The following ZNF442 variants were observed in gnomAD, a reference collection of about 807,000 sequenced individuals.
ZNF442 encodes zinc finger protein 442.
ZNF442 carries 45 observed loss-of-function variants against 57.0 expected under a neutral mutation model. The ratio of observed to expected loss-of-function variants is 0.79; its 90% confidence interval spans 0.62 to 1.01. ZNF442 has a LOEUF of 1.01. Among genes scored for constraint, ZNF442 ranks in the 50% least tolerant of loss-of-function variants. The pLI, the probability that ZNF442 is intolerant of heterozygous loss-of-function variation, is 0.00. For synonymous variants in ZNF442, 213 were observed against 241.8 expected, an observed-to-expected ratio of 0.88 and a Z score of 1.10; for missense variants, 690 against 756.5, an observed-to-expected ratio of 0.91 and a Z score of 1.03.
chr19:12,360,085 A>G (rs1969398344), intron 3 of ZNF442, among the ~76,000 whole-genome samples: 1 of 152,016 alleles, frequency 6.6e-6, no homozygotes, highest in Non-Finnish European at 1.5e-5. Context: ...TTTCTGCCCA[A>G]CCTTAGAGAT....
rs1480315870 is a variant in ZNF442 at position 12,351,135 on chromosome 19, C to T, written c.450G>A (p.Glu150=). 1 of 1,614,138 alleles carries T rather than the reference C, an allele frequency of 6.2e-7. No individual in the cohort carries two copies. Among genetic ancestry groups the T allele is most frequent in the Non-Finnish European group, 8.5e-7 (1 of 1,180,016 alleles). ...CACATTGTTTATGTGTATGTGGCTT[C>T]TCTCCATATTCCTGACACTCATCTG... ...HKPDECQEYG[E]KPHTHKQCGT... The change falls in exon 6 of 6, where the codon GAG becomes GAA. Residue 150 remains glutamate (E), a synonymous_variant. Transcript: ENST00000242804.
chr19:12,358,487 A>C (rs1335307880), intron 3 of ZNF442, among the ~76,000 whole-genome samples: 1 of 152,202 alleles, frequency 6.6e-6, no homozygotes, highest in East Asian at 1.9e-4. Flanking sequence ...ATAGTGCTGC[A>C]ATATGCAGAT....
rs199714064 is a variant in ZNF442, at chr19:12,350,167, T to C, written c.1418A>G (p.Tyr473Cys). Residue 473 changes from tyrosine (Y) to cysteine (C), a missense_variant, in exon 6 of 6, where the codon TAT becomes TGT. Physicochemically the swap from Tyr to Cys is radical, Grantham distance 194 (BLOSUM62 -2). Transcript: ENST00000242804. ...CKCGKAFIDF[Y>C]SFQNHETTHT... ...AGTTGTTTCATGATTTTGAAAGGAA[T>C]AGAAATCAATAAAGGCTTTCCCACA... 6.8e-6 allele frequency: 11 copies of C among 1,613,540 alleles called. No individual in the cohort carries two copies. Among genetic ancestry groups the C allele is most frequent in the Middle Eastern group, 1.6e-4 (1 of 6,070 alleles).
rs186750532 is a variant in ZNF442 at position 12,346,841 on chromosome 19, T to A, written c.*2860A>T. The stretch of plus-strand genomic sequence containing the variant: ...CGTTCTAAGTGAAATAAGCCAGACA[T>A]GGAAGGACACATGCATACTTCCACA... On this transcript the variant is annotated 3_prime_UTR_variant, in exon 6 of 6. Transcript: ENST00000242804. 8 of 152,306 alleles carry A rather than the reference T, an allele frequency of 5.3e-5. No individual in the cohort carries two copies. In the East Asian group the frequency reaches 1.2e-3, roughly 22 times the overall value. 9.4% of individuals were successfully genotyped at this position (152,306 alleles called of 1,614,324 possible).
chr19:12,357,785 G>C (rs1969358306), intron 3 of ZNF442, among the ~76,000 whole-genome samples: 1 of 152,040 alleles, frequency 6.6e-6, no homozygotes. Context: ...ATAGTGCATT[G>C]TGGTGAATGA....
At chr19:12,372,168 A>G in the ZNF442 span, among the ~76,000 whole-genome samples, 3 of 152,162 alleles carry the variant, frequency 2.0e-5, no homozygotes, top group African/African-American at 7.2e-5. Flanking sequence ...GAAGACATAC[A>G]TGCAGAGGCC....
upstream of ZNF442, among the ~76,000 whole-genome samples, chr19:12,370,404 A>C (rs1489836852): frequency 6.6e-6 from 1 of 151,922 alleles, no homozygotes; most frequent in Non-Finnish European, 1.5e-5. Context: ...ATACAGGTAA[A>C]GCTTTGCTTA....
chr19:12,361,966 C>A (rs2144839968), intron 3 of ZNF442, among the ~76,000 whole-genome samples: 1 of 152,346 alleles, frequency 6.6e-6, no homozygotes, highest in South Asian at 2.1e-4. Context: ...GAGTGATCTG[C>A]CAGCCTCGGC....
At chr19:12,365,686 C>T, upstream of ZNF442, 1 of 206,236 alleles carries the variant, frequency 4.8e-6, no homozygotes, top group Non-Finnish European at 1.0e-5. Context: ...AAAGCTCCAC[C>T]CTCCTCCCGG....
At position 12,362,616 on chromosome 19, in the gene ZNF442, G is replaced by A. The variant is rs190327706; in HGVS notation, c.78+938C>T. On this transcript the variant is annotated intron_variant, in intron 3 of 5. Coordinates refer to ENST00000242804, the MANE Select transcript of ZNF442 (RefSeq NM_030824.3). Reference sequence around the variant, plus strand: ...GGGGGGCAGCCCCCGCCTGGCAGCCGCCCCCTCCGGGAGGTGGGGGGCGCC... The same window carrying A: ...GGGGGGCAGCCCCCGCCTGGCAGCCACCCCCTCCGGGAGGTGGGGGGCGCC... 2.1e-4 allele frequency among the ~76,000 whole-genome samples: 28 copies of A among 133,012 alleles called. No homozygotes were observed. In the East Asian group the frequency reaches 4.9e-3, roughly 23 times the overall value. The allele number at this position is 133,012 out of a possible 152,430, so 87.3% of individuals were successfully genotyped here.
At chr19:12,365,465 C>T (rs1189223632) in intron 1 of ZNF442, 68 bp downstream of exon 1, 2 of 396,432 alleles carry the variant, frequency 5.0e-6, no homozygotes, top group Non-Finnish European at 4.7e-6. Flanking sequence ...GGTCCCGCCA[C>T]AGCCGGTTCT....
In ZNF442 at chr19:12,350,737, T is replaced by G; in HGVS notation, c.848A>C (p.His283Pro). ...TTTTTCTCCAGTGTGAGTTCTTTCA[T>G]GTCTTACATAGGAACTGTAATCAGG... ...AFPDYSSYVR[H>P]ERTHTGEKPY... is the part of the protein sequence containing the mutation. Residue 283 changes from histidine to proline, a missense_variant, in exon 6 of 6, where the codon CAT (histidine) becomes CCT (proline). By Grantham distance (77) the His-to-Pro change is moderately conservative (BLOSUM62 -2). Coordinates refer to ENST00000242804, the MANE Select transcript of ZNF442 (RefSeq NM_030824.3). The G allele has an allele frequency of 6.2e-7, 1 of 1,614,174 alleles. No homozygotes were observed.
At chr19:12,359,865 C>G (rs1969393994) in intron 3 of ZNF442, among the ~76,000 whole-genome samples, 1 of 152,054 alleles carries the variant, frequency 6.6e-6, no homozygotes, top group African/African-American at 2.4e-5. Flanking sequence ...GTAGTCTCAG[C>G]TACTCGGGAG....
At chr19:12,352,292 A>G (rs1969253262) in intron 4 of ZNF442, among the ~76,000 whole-genome samples, 1 of 152,122 alleles carries the variant, frequency 6.6e-6, no homozygotes, top group Non-Finnish European at 1.5e-5. Flanking sequence ...ATCTCGGCTC[A>G]CTGCAACCTC....
chr19:12,352,485 C>T (rs1413066501), intron 4 of ZNF442, among the ~76,000 whole-genome samples: 5 of 152,060 alleles, frequency 3.3e-5, no homozygotes, highest in Admixed American at 1.3e-4. Context: ...GGATTACAGG[C>T]GTGAGCCACC....
At chr19:12,363,817 G>A in intron 2 of ZNF442, 146 bp from the exon 3 acceptor site, 1 of 604,478 alleles carries the variant, frequency 1.7e-6, no homozygotes, top group Non-Finnish European at 3.0e-6. Context: ...CTCACTGGGA[G>A]AAATGACCCA....
chr19:12,372,708 C>A, the ZNF442 span, among the ~76,000 whole-genome samples: 2 of 152,178 alleles, frequency 1.3e-5, no homozygotes, highest in African/African-American at 4.8e-5. Context: ...AATAGAGTTA[C>A]ACCTTTTATG....
intron 3 of ZNF442, among the ~76,000 whole-genome samples, chr19:12,359,968 C>T (rs185816375): frequency 3.2e-4 from 49 of 151,672 alleles, no homozygotes; most frequent in Admixed American, 1.3e-3. Context: ...ACAGAGCTCT[C>T]GAGACTCTCA....
At chr19:12,367,970 G>T (rs542187685), upstream of ZNF442, among the ~76,000 whole-genome samples, 1 of 152,112 alleles carries the variant, frequency 6.6e-6, no homozygotes, top group South Asian at 2.1e-4. Flanking sequence ...ACCTGGAAGG[G>T]TCTCAATTAT....
Sources: allele counts gnomAD v4.1 joint callset (sites outside exome capture counted in the v4.1 genomes callset), GRCh38; gene constraint gnomAD v4.1.1; transcripts MANE v1.5; gene names NCBI Gene and HGNC (gene_info 2026-07-23, HGNC 2026-07-21).